The following SLC4A1AP variants were observed in gnomAD, a reference collection of about 807,000 sequenced individuals.
SLC4A1AP encodes kanadaptin.
SLC4A1AP carries 64 observed loss-of-function variants against 89.7 expected under a neutral mutation model. The ratio of observed to expected loss-of-function variants is 0.71; its 90% CI spans 0.58 to 0.88. The LOEUF is 0.88. Ranked by LOEUF, SLC4A1AP falls within the 40% of genes least tolerant of loss-of-function variation. The probability of loss-of-function intolerance (pLI) is 0.00; values close to 1 mark genes in which losing one functional copy is unlikely to be tolerated. For missense variants in SLC4A1AP, 931 were observed against 965.0 expected, an observed-to-expected ratio of 0.96 and a Z score of 0.47; for synonymous variants, 366 against 353.3, an observed-to-expected ratio of 1.04 and a Z score of -0.40.
chr2:27,685,153 T>G (rs974811130), exon 10 of SLC4A1AP: 1 of 1,613,474 alleles, frequency 6.2e-7, no homozygotes, highest in African/African-American at 1.3e-5. Context: ...AGGAGGAGCA[T>G]GAAAAGAAAA....
At chr2:27,677,185 C>T in intron 6 of SLC4A1AP, 110 bp from the exon 7 acceptor site, 1 of 787,336 alleles carries the variant, frequency 1.3e-6, no homozygotes, top group Non-Finnish European at 2.2e-6. Context: ...TTTAACTGGA[C>T]TTTTGAATTA....
At position 27,668,834 on chromosome 2, in the gene SLC4A1AP, C is replaced by G. The variant is rs1675376100; in HGVS notation, c.1145-9C>G. 6.2e-7 allele frequency: 1 copy of G among 1,613,148 alleles called. No homozygotes were observed. The highest frequency in any genetic ancestry group is 8.5e-7 in the Non-Finnish European group (1 of 1,179,400). On this transcript the variant is annotated splice_polypyrimidine_tract_variant and intron_variant, in intron 3 of 13. Transcript: ENST00000613058. ...TATTAAAATTGTTTTGTCTGTCTTT[C>G]TCCCACAGGAGAAGAATTAGAATAT...
At chr2:27,690,787 G>T (rs185908888) in intron 12 of SLC4A1AP, among the ~76,000 whole-genome samples, 4 of 152,198 alleles carry the variant, frequency 2.6e-5, no homozygotes, top group Admixed American at 1.3e-4. Flanking sequence ...TGATCATATG[G>T]TTTTTGTTTT....
At chr2:27,687,882 T>C (rs1675726836) in intron 10 of SLC4A1AP, 52 bp from the exon 11 acceptor site, 3 of 1,438,924 alleles carry the variant, frequency 2.1e-6, no homozygotes, top group Non-Finnish European at 9.7e-7. Flanking sequence ...TTTGTTTGGC[T>C]TTCCACCATG....
intron 6 of SLC4A1AP, among the ~76,000 whole-genome samples, 153 bp from the exon 7 acceptor site, chr2:27,677,141 AC>A (rs1359887540): frequency 1.3e-5 from 2 of 152,138 alleles, no homozygotes; most frequent in Admixed American, 6.6e-5. Context: ...CTATCTCAAA[AC>A]AAAAAAAAAA....
rs561710528 is a variant in SLC4A1AP, at chr2:27,691,444, T to A, written c.2272-2241T>A. 2.0e-5 allele frequency: 3 copies of A among 152,270 alleles called. No homozygotes were observed. In the South Asian group the frequency reaches 6.2e-4, roughly 32 times the overall value. The allele number at this position is 152,270 out of a possible 1,614,324, so 9.4% of individuals were successfully genotyped here. A position where few individuals can be genotyped will look rare whatever the true frequency, so the allele number is the denominator to read the frequency against. ...TATAGAATCTTCTTTTCTTGTCTAA[T>A]CTAGCTAATGATCTATGAATTTAGT... On this transcript the variant is annotated intron_variant, in intron 12 of 13. Coordinates refer to ENST00000613058, the Ensembl canonical transcript of SLC4A1AP.
At chr2:27,694,491 A>C (rs1408007008) in intron 13 of SLC4A1AP, 143 bp from the exon 14 acceptor site, 1 of 487,058 alleles carries the variant, frequency 2.1e-6, no homozygotes, top group Admixed American at 4.1e-5. Flanking sequence ...GTATTTTGAA[A>C]TTTCATACAA....
chr2:27,692,795 T>C (rs118003548), intron 12 of SLC4A1AP: 2 of 152,328 alleles, frequency 1.3e-5, no homozygotes, highest in East Asian at 3.9e-4. Context: ...TTATTTGATA[T>C]AAGAAAAGCT....
chr2:27,686,894 G>A (rs1007944142), intron 10 of SLC4A1AP, among the ~76,000 whole-genome samples: 1 of 152,158 alleles, frequency 6.6e-6, no homozygotes, highest in Admixed American at 6.5e-5. Flanking sequence ...TTGAGACAGA[G>A]TCTTACTTTG....
chr2:27,666,982 C>T (rs1181236499), intron 2 of SLC4A1AP, among the ~76,000 whole-genome samples: 8 of 151,840 alleles, frequency 5.3e-5, no homozygotes, highest in Non-Finnish European at 7.4e-5. Flanking sequence ...ATTCTCCTGC[C>T]TCAGCCTCCC....
At chr2:27,676,829 CAAA>C (rs150750243) in intron 6 of SLC4A1AP, among the ~76,000 whole-genome samples, 8 of 96,088 alleles carry the variant, frequency 8.3e-5, no homozygotes, top group Non-Finnish European at 4.6e-5. Flanking sequence ...GACTCCATCT[CAAA>C]AAAAAAAAAA....
chr2:27,669,441 C>G (rs1675386456), intron 5 of SLC4A1AP, 54 bp downstream of exon 5: 4 of 1,437,446 alleles, frequency 2.8e-6, no homozygotes, highest in Admixed American at 5.2e-5. Flanking sequence ...AAACTCAACA[C>G]AAACGCTAAT....
At chr2:27,677,253 A>G in intron 6 of SLC4A1AP, 42 bp from the exon 7 acceptor site, 2 of 1,297,526 alleles carry the variant, frequency 1.5e-6, no homozygotes, top group Non-Finnish European at 2.2e-6. Context: ...AACAGTTTGA[A>G]AGAAGAAAAA....
chr2:27,682,182 T>C (rs1304634998), intron 8 of SLC4A1AP, 66 bp from the exon 9 acceptor site: 4 of 986,678 alleles, frequency 4.1e-6, no homozygotes, highest in Non-Finnish European at 6.1e-6. Context: ...GTCAGTATCA[T>C]GGTATTTTTA....
At chr2:27,670,969 A>G (rs1348702511) in intron 5 of SLC4A1AP, among the ~76,000 whole-genome samples, 14 of 139,226 alleles carry the variant, frequency 1.0e-4, no homozygotes, top group East Asian at 2.1e-4. Context: ...TGTCACCCAG[A>G]CTGGAGTGCA....
exon 2 of SLC4A1AP, chr2:27,665,207 C>A: frequency 1.2e-6 from 2 of 1,613,472 alleles, no homozygotes; most frequent in Non-Finnish European, 1.7e-6. Flanking sequence ...TAGGAGAAGA[C>A]TCAGATGAAG....
At chr2:27,679,515 T>C (rs1675583063) in intron 8 of SLC4A1AP, among the ~76,000 whole-genome samples, 1 of 152,032 alleles carries the variant, frequency 6.6e-6, no homozygotes, top group African/African-American at 2.4e-5. Context: ...GGCAGGAGAA[T>C]GGCGTGAACC....
At chr2:27,687,844 G>A (rs1362237106) in intron 10 of SLC4A1AP, 90 bp from the exon 11 acceptor site, 1 of 908,588 alleles carries the variant, frequency 1.1e-6, no homozygotes, top group Non-Finnish European at 1.7e-6. Flanking sequence ...TATGTACTTA[G>A]CTTCTCTTTC....
exon 1 of SLC4A1AP, chr2:27,664,289 C>T: frequency 3.1e-6 from 5 of 1,614,232 alleles, no homozygotes; most frequent in Non-Finnish European, 4.2e-6. Context: ...CTATCCTTGG[C>T]ACCCGTAGCT....
Sources: allele counts gnomAD v4.1 joint callset (sites outside exome capture counted in the v4.1 genomes callset), GRCh38; gene constraint gnomAD v4.1.1; transcripts MANE v1.5; gene names NCBI Gene and HGNC (gene_info 2026-07-23, HGNC 2026-07-21).